Variants in SAMMSON observed in about 807,000 individuals in gnomAD.
SAMMSON encodes survival associated mitochondrial melanoma specific oncogenic non-coding RNA, also known as long intergenic non-protein coding RNA 1212.
chr3:70,064,895 A>G (rs2067203616), intron 3 of SAMMSON, among the ~76,000 whole-genome samples: 1 of 152,104 alleles, frequency 6.6e-6, no homozygotes, highest in Admixed American at 6.6e-5. Context: ...TGAAAAAGTT[A>G]TATAAATAGG....
At chr3:70,423,529 A>G (rs1701329819) in intron 2 of SAMMSON, among the ~76,000 whole-genome samples, 1 of 152,168 alleles carries the variant, frequency 6.6e-6, no homozygotes, top group South Asian at 2.1e-4. Flanking sequence ...ACAAGCATTG[A>G]ACTTCCAATC....
At chr3:70,296,599 C>T (rs1702291649) in intron 7 of SAMMSON, among the ~76,000 whole-genome samples, 1 of 152,160 alleles carries the variant, frequency 6.6e-6, no homozygotes, top group South Asian at 2.1e-4. Flanking sequence ...AAGGCATGAT[C>T]ATTTACCCAG....
chr3:70,341,706 T>A (rs1410026183), intron 7 of SAMMSON, among the ~76,000 whole-genome samples: 1 of 152,194 alleles, frequency 6.6e-6, no homozygotes, highest in Non-Finnish European at 1.5e-5. Flanking sequence ...TGGTCATTTT[T>A]TGTCCACGAG....
At chr3:70,211,152 C>A (rs1289663045) in intron 4 of SAMMSON, among the ~76,000 whole-genome samples, 2 of 151,928 alleles carry the variant, frequency 1.3e-5, no homozygotes, top group Non-Finnish European at 1.5e-5. Context: ...CTTGTTTCTT[C>A]CTTTCTTTTC....
At chr3:70,277,339 G>T (rs1017545872) in intron 6 of SAMMSON, among the ~76,000 whole-genome samples, 1 of 152,030 alleles carries the variant, frequency 6.6e-6, no homozygotes, top group East Asian at 1.9e-4. Context: ...TTATGTAAAC[G>T]GAAATATCTG....
chr3:70,327,919 C>T (rs962062905), intron 7 of SAMMSON, among the ~76,000 whole-genome samples: 2 of 152,142 alleles, frequency 1.3e-5, no homozygotes, highest in African/African-American at 2.4e-5. Flanking sequence ...TGTATTAGTC[C>T]GTTTTCACAC....
intron 6 of SAMMSON, among the ~76,000 whole-genome samples, chr3:70,261,256 G>A (rs895176515): frequency 6.6e-6 from 1 of 152,140 alleles, no homozygotes; most frequent in African/African-American, 2.4e-5. Flanking sequence ...TAAAATCAAA[G>A]CCATGCTATC....
chr3:70,411,999 T>C (rs886088436), intron 2 of SAMMSON, among the ~76,000 whole-genome samples: 10 of 152,180 alleles, frequency 6.6e-5, no homozygotes, highest in Admixed American at 2.6e-4. Flanking sequence ...TTCAACTGTT[T>C]AGAACCAAGA....
At chr3:70,175,133 C>G (rs762855605) in intron 4 of SAMMSON, among the ~76,000 whole-genome samples, 6 of 152,096 alleles carry the variant, frequency 3.9e-5, no homozygotes, top group Non-Finnish European at 8.8e-5. Context: ...TAGTTTAACT[C>G]TATTGGGGAC....
chr3:70,016,217 C>T (rs1316331407), intron 3 of SAMMSON, among the ~76,000 whole-genome samples: 1 of 152,166 alleles, frequency 6.6e-6, no homozygotes, highest in Non-Finnish European at 1.5e-5. Context: ...ACATCCTCTC[C>T]AGCACCTGTT....
chr3:70,255,430 T>C (rs1430044091), intron 6 of SAMMSON, among the ~76,000 whole-genome samples: 1 of 152,160 alleles, frequency 6.6e-6, no homozygotes, highest in Non-Finnish European at 1.5e-5. Flanking sequence ...CAGTAATTTT[T>C]TTTTCTTCTT....
At chr3:70,109,782 C>A (rs1209765322) in intron 4 of SAMMSON, among the ~76,000 whole-genome samples, 3 of 152,150 alleles carry the variant, frequency 2.0e-5, no homozygotes, top group Non-Finnish European at 4.4e-5. Flanking sequence ...TATACTGCCT[C>A]CTTAAAAGAT....
chr3:70,066,947 A>G, intron 3 of SAMMSON, among the ~76,000 whole-genome samples: 1 of 152,176 alleles, frequency 6.6e-6, no homozygotes, highest in East Asian at 1.9e-4. Flanking sequence ...GGCTAAGCCA[A>G]CTGGAAAATT....
intron 3 of SAMMSON, among the ~76,000 whole-genome samples, chr3:70,037,629 A>G (rs190055526): frequency 1.3e-5 from 2 of 152,238 alleles, no homozygotes; most frequent in East Asian, 1.9e-4. Flanking sequence ...TTTCTTTTCC[A>G]TCTCTTAAGC....
chr3:70,391,679 G>A (rs772503655), downstream of SAMMSON, among the ~76,000 whole-genome samples: 13 of 151,990 alleles, frequency 8.6e-5, no homozygotes, highest in Non-Finnish European at 1.3e-4. Flanking sequence ...AGGGAGGTGG[G>A]AATAAAGCTT....
intron 4 of SAMMSON, among the ~76,000 whole-genome samples, chr3:70,230,703 C>T (rs1473186077): frequency 1.3e-5 from 2 of 152,220 alleles, no homozygotes; most frequent in East Asian, 3.9e-4. Flanking sequence ...TGGTGGATTC[C>T]TCTGTAAGTG....
intron 2 of SAMMSON, among the ~76,000 whole-genome samples, chr3:70,403,791 A>G (rs553473406): frequency 2.0e-5 from 3 of 152,294 alleles, no homozygotes; most frequent in African/African-American, 7.2e-5. Flanking sequence ...ATAGATATAA[A>G]GTTAGATGTA....
chr3:70,011,443 G>A (rs1405414845), intron 1 of SAMMSON, among the ~76,000 whole-genome samples: 1 of 151,974 alleles, frequency 6.6e-6, no homozygotes, highest in Non-Finnish European at 1.5e-5. Flanking sequence ...TAATATGTGG[G>A]TAAGGAGAGT....
chr3:70,136,986 A>AT, intron 4 of SAMMSON, among the ~76,000 whole-genome samples: 1 of 152,138 alleles, frequency 6.6e-6, no homozygotes, highest in East Asian at 1.9e-4. Context: ...TGTACCTTTT[A>AT]TTTTATCACA....
Sources: gnomAD v4.1 joint callset for allele counts (sites outside exome capture counted in the v4.1 genomes callset) on GRCh38, gnomAD v4.1.1 for gene constraint, MANE v1.5 for transcripts, NCBI Gene and HGNC (gene_info 2026-07-23, HGNC 2026-07-21) for gene names.